ABLIM1: variants seen among roughly 807,000 people sequenced by gnomAD.
The protein encoded by ABLIM1 is actin-binding LIM protein 1.
A neutral mutation model predicts 107.0 loss-of-function variants in ABLIM1; 40 were observed. The observed-to-expected ratio is 0.37, with a 90% CI of 0.29 to 0.49. The LOEUF is 0.49. ABLIM1 is among the 20% of genes least tolerant of loss of function. The probability of loss-of-function intolerance (pLI) is 0.97; values close to 1 mark genes in which losing one functional copy is unlikely to be tolerated. For synonymous variants in ABLIM1, 357 were observed against 357.3 expected (o/e 1.00, Z 0.01); for missense variants, 857 against 1,008.5 (o/e 0.85, Z 2.04).
intron 1 of ABLIM1, among the ~76,000 whole-genome samples, chr10:114,645,350 C>T (rs1340215098): frequency 2.0e-5 from 3 of 152,154 alleles, no homozygotes. Context: ...AATTGCTGCC[C>T]ACACTGGTAA....
chr10:114,694,288 T>G (rs893507092), intron 1 of ABLIM1, among the ~76,000 whole-genome samples: 2 of 152,102 alleles, frequency 1.3e-5, no homozygotes, highest in African/African-American at 4.8e-5. Flanking sequence ...TGAGAAAACA[T>G]CACGGACTTC....
intron 6 of ABLIM1, among the ~76,000 whole-genome samples, chr10:114,544,627 G>A (rs758197335): frequency 1.1e-4 from 16 of 152,092 alleles, no homozygotes; most frequent in Non-Finnish European, 1.0e-4. Context: ...ATCTGCACAC[G>A]CCCACAGATG....
At chr10:114,602,725 G>C (rs536170808) in intron 1 of ABLIM1, among the ~76,000 whole-genome samples, 58 of 152,252 alleles carry the variant, frequency 3.8e-4, no homozygotes, top group African/African-American at 1.4e-3. Context: ...GAATTTATAG[G>C]GTCTTTTCAG....
At chr10:114,539,373 C>CAAA (rs57704061) in intron 6 of ABLIM1, among the ~76,000 whole-genome samples, 24 of 151,878 alleles carry the variant, frequency 1.6e-4, no homozygotes, top group South Asian at 1.0e-3. Flanking sequence ...ACAACAACAA[C>CAAA]AAAAAAGAGG....
intron 6 of ABLIM1, among the ~76,000 whole-genome samples, chr10:114,495,867 C>A (rs994331704): frequency 1.3e-5 from 2 of 152,174 alleles, no homozygotes; most frequent in African/African-American, 2.4e-5. Flanking sequence ...CCCAGGCAGT[C>A]TGGCTCTGGA....
At chr10:114,624,134 G>A (rs1157848791) in intron 1 of ABLIM1, among the ~76,000 whole-genome samples, 1 of 152,096 alleles carries the variant, frequency 6.6e-6, no homozygotes, top group Non-Finnish European at 1.5e-5. Context: ...TTTTTACTGT[G>A]GTGCACCCAG....
At chr10:114,702,108 T>C (rs1313776667) in intron 1 of ABLIM1, among the ~76,000 whole-genome samples, 4 of 152,220 alleles carry the variant, frequency 2.6e-5, no homozygotes, top group Non-Finnish European at 5.9e-5. Flanking sequence ...AGAATTCTAA[T>C]AGTTTGGGCT....
chr10:114,599,610 GA>G (rs566399009), intron 2 of ABLIM1, among the ~76,000 whole-genome samples: 2 of 151,274 alleles, frequency 1.3e-5, no homozygotes, highest in African/African-American at 4.8e-5. Flanking sequence ...CATCTCTGCT[GA>G]AAAAAAACCA....
At chr10:114,726,614 C>T (rs2081965236) in intron 1 of ABLIM1, among the ~76,000 whole-genome samples, 2 of 152,034 alleles carry the variant, frequency 1.3e-5, no homozygotes, top group African/African-American at 4.8e-5. Context: ...AACCCCGTCT[C>T]CACTAAAAAT....
chr10:114,698,697 A>C (rs1277448705), intron 1 of ABLIM1, among the ~76,000 whole-genome samples: 3 of 152,166 alleles, frequency 2.0e-5, no homozygotes, highest in Non-Finnish European at 4.4e-5. Context: ...CAAGAAGGGA[A>C]AAGGACTCAG....
At chr10:114,457,093 C>CA (rs1434775762) in intron 12 of ABLIM1, among the ~76,000 whole-genome samples, 9 of 152,130 alleles carry the variant, frequency 5.9e-5, no homozygotes. Context: ...TCACATATCA[C>CA]AACCGCTCAT....
chr10:114,460,369 G>A (rs2063611313), intron 12 of ABLIM1, among the ~76,000 whole-genome samples: 2 of 152,238 alleles, frequency 1.3e-5, no homozygotes, highest in Admixed American at 1.3e-4. Flanking sequence ...GGGAGCCCCA[G>A]GCGGCCAGAT....
At chr10:114,582,973 C>G (rs2073581607) in intron 2 of ABLIM1, among the ~76,000 whole-genome samples, 1 of 152,072 alleles carries the variant, frequency 6.6e-6, no homozygotes, top group Non-Finnish European at 1.5e-5. Flanking sequence ...ATGACTAACT[C>G]CTTAAAAGCA....
At chr10:114,481,646 G>C (rs80058964) in intron 8 of ABLIM1, among the ~76,000 whole-genome samples, 4,453 of 152,266 alleles carry the variant, frequency 0.029, 194 homozygotes, top group African/African-American at 0.098. Context: ...AGGCAGGAGG[G>C]TGCTGTGCGC....
At chr10:114,780,753 T>A in the ABLIM1 span, among the ~76,000 whole-genome samples, 1 of 152,196 alleles carries the variant, frequency 6.6e-6, no homozygotes, top group African/African-American at 2.4e-5. Flanking sequence ...CTTACTTCTC[T>A]TAGGTTGTTC....
intron 1 of ABLIM1, among the ~76,000 whole-genome samples, chr10:114,643,804 G>A (rs1234270499): frequency 6.6e-6 from 1 of 151,848 alleles, no homozygotes; most frequent in African/African-American, 2.4e-5. Flanking sequence ...TTAAACTTCT[G>A]GGCTCAAGCA....
chr10:114,735,696 T>C (rs1017844058), intron 1 of ABLIM1, among the ~76,000 whole-genome samples: 1 of 152,154 alleles, frequency 6.6e-6, no homozygotes, highest in African/African-American at 2.4e-5. Context: ...TCTCGATCTT[T>C]TGACCTCGTG....
At chr10:114,440,983 G>A (rs771677904) in intron 19 of ABLIM1, 34 bp downstream of exon 19, 7 of 1,565,436 alleles carry the variant, frequency 4.5e-6, no homozygotes, top group South Asian at 1.2e-5. Flanking sequence ...GAGGGAAGAC[G>A]TGGCCATGCT....
At chr10:114,786,836 G>A in the ABLIM1 span, among the ~76,000 whole-genome samples, 1 of 152,132 alleles carries the variant, frequency 6.6e-6, no homozygotes, top group Non-Finnish European at 1.5e-5. Context: ...GCGTGATCTC[G>A]GCTCGCTACA....
Sources: allele counts gnomAD v4.1 joint callset (sites outside exome capture counted in the v4.1 genomes callset), GRCh38; gene constraint gnomAD v4.1.1; transcripts MANE v1.5; gene names NCBI Gene and HGNC (gene_info 2026-07-23, HGNC 2026-07-21).